Variants in PCNX2 observed in about 807,000 individuals in gnomAD.
PCNX2 encodes pecanex-like protein 2.
A neutral mutation model predicts 223.8 loss-of-function variants in PCNX2; 168 were observed. That is an observed-to-expected ratio of 0.75 (90% CI 0.66 to 0.85). The LOEUF is 0.85. PCNX2 is among the 40% of genes least tolerant of loss of function. The probability of loss-of-function intolerance (pLI) is 0.00; values close to 1 mark genes in which losing one functional copy is unlikely to be tolerated. For synonymous variants in PCNX2, 1,006 were observed against 1,052.6 expected, an observed-to-expected ratio of 0.96 and a Z score of 0.86; for missense variants, 2,507 against 2,675.5, an observed-to-expected ratio of 0.94 and a Z score of 1.39.
chr1:233,278,780 T>C (rs975473723), intron 1 of PCNX2, among the ~76,000 whole-genome samples: 2 of 152,190 alleles, frequency 1.3e-5, no homozygotes, highest in Non-Finnish European at 2.9e-5. Flanking sequence ...ACATACCATC[T>C]ACTCTGGGTG....
chr1:233,123,348 G>A (rs571513304), intron 21 of PCNX2, among the ~76,000 whole-genome samples: 2 of 152,238 alleles, frequency 1.3e-5, no homozygotes, highest in Admixed American at 6.5e-5. Context: ...TTGGGAGGCC[G>A]AGGTGGGCGG....
intron 32 of PCNX2, among the ~76,000 whole-genome samples, chr1:232,995,894 C>G (rs1485748350): frequency 6.6e-6 from 1 of 152,096 alleles, no homozygotes; most frequent in Non-Finnish European, 1.5e-5. Context: ...CTCCTCTCCC[C>G]CCACCCAGGC....
intron 19 of PCNX2, among the ~76,000 whole-genome samples, chr1:233,155,940 G>T (rs1305729481): frequency 1.3e-5 from 2 of 152,086 alleles, no homozygotes; most frequent in Non-Finnish European, 2.9e-5. Flanking sequence ...CTGTCTTCAT[G>T]TTCAGCATGA....
intron 19 of PCNX2, among the ~76,000 whole-genome samples, chr1:233,141,755 ATGTGTGTGTATATGTATATG>A (rs1455453515): frequency 1.4e-5 from 2 of 141,722 alleles, no homozygotes; most frequent in Admixed American, 7.1e-5. Context: ...ATGGGTATAT[ATGTGTGTGTATATGTATATG>A]TGTGTGTGTG....
chr1:233,241,093 G>T, intron 8 of PCNX2: 1 of 817,458 alleles, frequency 1.2e-6, no homozygotes, highest in Non-Finnish European at 1.5e-6. Context: ...CAACATGTAG[G>T]ATGTTTAACT....
At chr1:233,063,336 GA>G (rs1402555722) in intron 23 of PCNX2, among the ~76,000 whole-genome samples, 1 of 152,080 alleles carries the variant, frequency 6.6e-6, no homozygotes, top group Non-Finnish European at 1.5e-5. Context: ...CACATTTGAT[GA>G]GAATGATTGT....
intron 19 of PCNX2, among the ~76,000 whole-genome samples, chr1:233,147,484 G>A (rs185372481): frequency 1.3e-5 from 2 of 152,032 alleles, no homozygotes; most frequent in East Asian, 3.9e-4. Context: ...GGAAGAGGAG[G>A]GGGTAGTCCT....
chr1:233,183,912 G>C (rs543377767), intron 15 of PCNX2, among the ~76,000 whole-genome samples: 2 of 152,334 alleles, frequency 1.3e-5, no homozygotes, highest in Admixed American at 1.3e-4. Context: ...GAAGAGCCAA[G>C]CAGGGCAGAT....
intron 23 of PCNX2, among the ~76,000 whole-genome samples, chr1:233,078,284 C>T (rs1258943893): frequency 6.6e-6 from 1 of 152,214 alleles, no homozygotes; most frequent in Non-Finnish European, 1.5e-5. Flanking sequence ...TCAGGGAAGA[C>T]GTTTTAATTA....
chr1:233,227,464 A>G (rs1320339607), intron 9 of PCNX2, 93 bp from the exon 10 acceptor site: 3 of 1,122,966 alleles, frequency 2.7e-6, no homozygotes, highest in African/African-American at 1.6e-5. Flanking sequence ...ACACACACAC[A>G]TATATATGTA....
intron 22 of PCNX2, 130 bp from the exon 23 acceptor site, chr1:233,090,320 A>C (rs187687554): frequency 3.6e-5 from 38 of 1,069,998 alleles, no homozygotes; most frequent in Middle Eastern, 2.9e-4. Flanking sequence ...ACACACACTT[A>C]ATCTCTCTAT....
rs753129459 is a variant in PCNX2, at chr1:233,295,493, G to C, written c.-15C>G. 3 of 1,543,782 alleles carry C rather than the reference G, an allele frequency of 1.9e-6. No individual in the cohort carries two copies. The highest frequency in any genetic ancestry group is 1.2e-5 in the South Asian group (1 of 83,322). ...TGGGACACCATGCCGGCTGCGCCCCGGGGCTGGTGAGCGCCCCGCTGCACC... is the reference window on the plus strand; with the variant it reads ...TGGGACACCATGCCGGCTGCGCCCCCGGGCTGGTGAGCGCCCCGCTGCACC... On this transcript the variant is annotated 5_prime_UTR_variant, in exon 1 of 34. Coordinates refer to ENST00000258229, the MANE Select transcript of PCNX2 (RefSeq NM_014801.4). The surrounding 1 kb of genome is among the most constrained non-coding windows in gnomAD (Gnocchi z 4.1).
At chr1:233,233,768 G>C (rs565554368) in intron 9 of PCNX2, among the ~76,000 whole-genome samples, 2 of 151,890 alleles carry the variant, frequency 1.3e-5, no homozygotes, top group South Asian at 2.1e-4. Flanking sequence ...CTTGTCTTCC[G>C]AGCCTTATCT....
chr1:233,234,239 C>T (rs1373775403), intron 9 of PCNX2, among the ~76,000 whole-genome samples: 2 of 152,118 alleles, frequency 1.3e-5, no homozygotes, highest in African/African-American at 2.4e-5. Flanking sequence ...GTGGCTGAAA[C>T]GTAATTTAAT....
chr1:233,004,450 A>ACAG (rs1670206483), intron 28 of PCNX2, among the ~76,000 whole-genome samples: 1 of 151,096 alleles, frequency 6.6e-6, no homozygotes, highest in Non-Finnish European at 1.5e-5. Flanking sequence ...GAGAGGAAGA[A>ACAG]CAGTTTCTCC....
At chr1:233,151,520 T>G (rs1176843744) in intron 19 of PCNX2, among the ~76,000 whole-genome samples, 2 of 152,222 alleles carry the variant, frequency 1.3e-5, no homozygotes, top group Non-Finnish European at 2.9e-5. Flanking sequence ...CTACTGACCA[T>G]TCATTTTAGC....
At chr1:233,137,324 C>T (rs867756177) in intron 20 of PCNX2, among the ~76,000 whole-genome samples, 35 of 152,276 alleles carry the variant, frequency 2.3e-4, no homozygotes, top group African/African-American at 7.9e-4. Flanking sequence ...GTGTGTTCTG[C>T]GATGGGAGGC....
chr1:232,998,449 G>A lies in PCNX2; in HGVS notation c.5604-11C>T. 2.5e-6 allele frequency: 4 copies of A among 1,609,340 alleles called. No individual in the cohort carries two copies. The highest frequency in any genetic ancestry group is 3.4e-6 in the Non-Finnish European group (4 of 1,178,638). On this transcript the variant is annotated splice_polypyrimidine_tract_variant and intron_variant, in intron 31 of 33. Transcript: ENST00000258229. The stretch of plus-strand genomic sequence containing the variant: ...CAATCCTTCCGCATCCTGTGGGAGG[G>A]AGAAGTCCTTTGAGGATTCTCAGCA...
intron 23 of PCNX2, among the ~76,000 whole-genome samples, chr1:233,078,044 G>C (rs1445902336): frequency 4.6e-5 from 7 of 152,218 alleles, no homozygotes; most frequent in African/African-American, 1.7e-4. Context: ...TCTATGTAAG[G>C]CCTGGGCAAG....
Sources: gnomAD v4.1 joint callset for allele counts (sites outside exome capture counted in the v4.1 genomes callset) on GRCh38, gnomAD v4.1.1 for gene constraint, Gnocchi (gnomAD v3.1) non-coding constraint, MANE v1.5 for transcripts, NCBI Gene and HGNC (gene_info 2026-07-23, HGNC 2026-07-21) for gene names.